DCLK1: variants seen among roughly 807,000 people sequenced by gnomAD.
The protein encoded by DCLK1 is doublecortin like kinase 1, also known as serine/threonine-protein kinase DCLK1.
A neutral mutation model predicts 86.2 loss-of-function variants in DCLK1; 16 were observed. That is an observed-to-expected ratio of 0.19 (90% confidence interval 0.13 to 0.28). The LOEUF (loss-of-function observed/expected upper bound fraction) is 0.28, where lower values mean the gene tolerates loss of function less well. Ranked by LOEUF, DCLK1 falls within the 10% of genes least tolerant of loss-of-function variation. The probability of loss-of-function intolerance (pLI) is 1.00; values close to 1 mark genes in which losing one functional copy is unlikely to be tolerated. For synonymous variants in DCLK1, 369 were observed against 370.5 expected (o/e 1.00, Z 0.05); for missense variants, 590 against 940.2 (o/e 0.63, Z 4.87).
intron 5 of DCLK1, among the ~76,000 whole-genome samples, chr13:35,866,331 C>G (rs1037820470): frequency 1.3e-5 from 2 of 152,044 alleles, no homozygotes; most frequent in African/African-American, 2.4e-5. Flanking sequence ...CAGATCTTAA[C>G]TTTATAATAC....
chr13:35,905,600 C>G (rs1874645867), intron 4 of DCLK1, among the ~76,000 whole-genome samples: 1 of 152,226 alleles, frequency 6.6e-6, no homozygotes, highest in African/African-American at 2.4e-5. Flanking sequence ...CCCCGAGGGC[C>G]ACCTCTGAAT....
intron 8 of DCLK1, among the ~76,000 whole-genome samples, chr13:35,831,305 A>G (rs1028891434): frequency 1.3e-5 from 2 of 152,212 alleles, no homozygotes; most frequent in African/African-American, 4.8e-5. Flanking sequence ...AAAGCCACAT[A>G]ATAAAAATTA....
chr13:35,846,272 A>G, intron 6 of DCLK1: 1 of 985,082 alleles, frequency 1.0e-6, no homozygotes, highest in Non-Finnish European at 1.2e-6. Context: ...TATATTTCAA[A>G]GTAAAGAGTT....
chr13:35,874,371 G>T (rs1457504585), intron 4 of DCLK1, among the ~76,000 whole-genome samples: 1 of 152,146 alleles, frequency 6.6e-6, no homozygotes, highest in African/African-American at 2.4e-5. Context: ...AAGTCATGGA[G>T]GAGAGTGTGT....
intron 3 of DCLK1, among the ~76,000 whole-genome samples, chr13:36,075,831 A>G (rs1300665588): frequency 6.6e-6 from 1 of 152,168 alleles, no homozygotes; most frequent in African/African-American, 2.4e-5. Flanking sequence ...ATCCTGGCCA[A>G]CATGGTGAAA....
intron 16 of DCLK1, among the ~76,000 whole-genome samples, chr13:35,784,419 G>A (rs2086584159): frequency 1.3e-5 from 2 of 152,190 alleles, no homozygotes; most frequent in South Asian, 4.1e-4. Context: ...ACCTGTTTGA[G>A]TTGGGAAATG....
intron 3 of DCLK1, among the ~76,000 whole-genome samples, chr13:35,986,359 C>T (rs1043172908): frequency 7.0e-6 from 1 of 142,560 alleles, no homozygotes; most frequent in Non-Finnish European, 1.5e-5. Flanking sequence ...CCCTGGTTCA[C>T]AGAGGAGGCA....
chr13:36,101,452 T>C (rs1266369072), intron 3 of DCLK1, among the ~76,000 whole-genome samples: 1 of 152,210 alleles, frequency 6.6e-6, no homozygotes, highest in Non-Finnish European at 1.5e-5. Context: ...CTAATAAAAC[T>C]GCGAAATCAG....
At chr13:36,095,650 T>G (rs1340311520) in intron 3 of DCLK1, among the ~76,000 whole-genome samples, 1 of 152,130 alleles carries the variant, frequency 6.6e-6, no homozygotes, top group Non-Finnish European at 1.5e-5. Flanking sequence ...CCACCACCCC[T>G]TCCCCCAAAA....
intron 3 of DCLK1, among the ~76,000 whole-genome samples, chr13:36,036,347 A>G (rs1882492194): frequency 6.6e-6 from 1 of 152,170 alleles, no homozygotes; most frequent in Admixed American, 6.5e-5. Flanking sequence ...CCGCTTCAAT[A>G]AACCCTGCTG....
chr13:36,117,018 T>C (rs7327176), intron 2 of DCLK1, among the ~76,000 whole-genome samples: 2,374 of 152,292 alleles, frequency 0.016, 20 homozygotes, highest in Non-Finnish European at 0.026. Flanking sequence ...TTCCCAAAGG[T>C]GCTTATGGGT....
At chr13:36,121,844 G>A (rs901041044) in intron 2 of DCLK1, among the ~76,000 whole-genome samples, 1 of 152,226 alleles carries the variant, frequency 6.6e-6, no homozygotes, top group Admixed American at 6.5e-5. Flanking sequence ...AGTGCCTCAC[G>A]CCTGAAATCC....
intron 16 of DCLK1, among the ~76,000 whole-genome samples, chr13:35,781,681 T>C (rs536116779): frequency 2.0e-5 from 3 of 152,224 alleles, no homozygotes; most frequent in African/African-American, 7.2e-5. Context: ...ATAGTCTTCA[T>C]TTCATTAATA....
chr13:36,037,643 C>A (rs1311927032), intron 3 of DCLK1, among the ~76,000 whole-genome samples: 2 of 151,794 alleles, frequency 1.3e-5, no homozygotes, highest in Admixed American at 1.3e-4. Context: ...ATCACCACAC[C>A]CAGTTAATTT....
chr13:35,901,852 T>A (rs1007288936), intron 4 of DCLK1, among the ~76,000 whole-genome samples: 4 of 151,998 alleles, frequency 2.6e-5, no homozygotes, highest in African/African-American at 9.7e-5. Context: ...AATTGGGGAA[T>A]GGCATGATCA....
chr13:35,935,972 T>C (rs1482363334), intron 4 of DCLK1, among the ~76,000 whole-genome samples: 1 of 152,118 alleles, frequency 6.6e-6, no homozygotes, highest in Non-Finnish European at 1.5e-5. Flanking sequence ...TTAAAGTAGA[T>C]GAACTTGGCT....
chr13:36,058,706 G>A (rs1883426042), intron 3 of DCLK1, among the ~76,000 whole-genome samples: 1 of 152,144 alleles, frequency 6.6e-6, no homozygotes, highest in Non-Finnish European at 1.5e-5. Context: ...AAGATTTGAG[G>A]CTCAGAAGAA....
rs1302563031 is a variant in DCLK1, at chr13:35,990,745, CA to C, written c.724-43289del. Among the ~76,000 whole-genome samples, 3 of 152,084 alleles carry C rather than the reference CA, an allele frequency of 2.0e-5. No individual in the cohort carries two copies. In the East Asian group the frequency reaches 5.8e-4, roughly 29 times the overall value. The stretch of plus-strand genomic sequence containing the variant: ...TTCCAAGCTCATTTTGAACTCCAAG[CA>C]AGACTTAAAATGTTACTATTTTTGT... On this transcript the variant is annotated intron_variant, in intron 3 of 16. Transcript: ENST00000360631.
At chr13:36,104,236 GAGCC>G (rs1885316685) in intron 3 of DCLK1, among the ~76,000 whole-genome samples, 1 of 152,142 alleles carries the variant, frequency 6.6e-6, no homozygotes, top group Non-Finnish European at 1.5e-5. Context: ...CTGAATACTG[GAGCC>G]ATATGCTAAT....
Sources: allele counts gnomAD v4.1 joint callset (sites outside exome capture counted in the v4.1 genomes callset), GRCh38; gene constraint gnomAD v4.1.1; transcripts MANE v1.5; gene names NCBI Gene and HGNC (gene_info 2026-07-23, HGNC 2026-07-21).